The following CACNA1C variants were observed in gnomAD, a reference collection of about 807,000 sequenced individuals.
The protein encoded by CACNA1C is calcium voltage-gated channel subunit alpha1 C, also known as voltage-dependent L-type calcium channel subunit alpha-1C.
CACNA1C carries 30 observed loss-of-function variants against 229.0 expected under a neutral mutation model. The observed-to-expected ratio is 0.13, with a 90% CI of 0.10 to 0.18. CACNA1C has a LOEUF of 0.18. CACNA1C is among the 10% of genes least tolerant of loss of function. CACNA1C has a pLI of 1.00. For synonymous variants in CACNA1C, 1,114 were observed against 1,132.5 expected (o/e 0.98, Z 0.33); for missense variants, 1,658 against 2,845.0 (o/e 0.58, Z 9.49).
At chr12:2,041,422 G>A (rs919891839) in intron 1 of CACNA1C, among the ~76,000 whole-genome samples, 3 of 151,736 alleles carry the variant, frequency 2.0e-5, no homozygotes, top group South Asian at 2.1e-4. Flanking sequence ...GACTACAGGC[G>A]CTTGCCACCG....
At chr12:2,226,479 C>T (rs963213188) in intron 3 of CACNA1C, among the ~76,000 whole-genome samples, 2 of 152,126 alleles carry the variant, frequency 1.3e-5, no homozygotes, top group African/African-American at 4.8e-5. Flanking sequence ...CAGTCTAAAG[C>T]CAATGTATTT....
At chr12:2,483,807 C>A (rs879037616) in intron 5 of CACNA1C, among the ~76,000 whole-genome samples, 1 of 152,154 alleles carries the variant, frequency 6.6e-6, no homozygotes, top group Admixed American at 6.5e-5. Flanking sequence ...AAGCTGCTTT[C>A]ACTCCACTTG....
chr12:2,083,670 A>G (rs1232648316), intron 1 of CACNA1C, among the ~76,000 whole-genome samples: 2 of 152,238 alleles, frequency 1.3e-5, no homozygotes, highest in African/African-American at 2.4e-5. Context: ...ATACAAATGT[A>G]AGGCATTGCT....
intron 3 of CACNA1C, among the ~76,000 whole-genome samples, chr12:2,139,444 G>A (rs1352818922): frequency 2.7e-5 from 4 of 150,884 alleles, no homozygotes; most frequent in African/African-American, 9.7e-5. Flanking sequence ...AGCGAGCCCT[G>A]TGCAAGAAGG....
chr12:2,578,904 C>G (rs542978170), intron 13 of CACNA1C, among the ~76,000 whole-genome samples: 18 of 152,238 alleles, frequency 1.2e-4, no homozygotes, highest in African/African-American at 4.1e-4. Context: ...TAGGAGATCC[C>G]TGCTAGTTTC....
chr12:2,221,263 G>A (rs1363864885), intron 3 of CACNA1C, among the ~76,000 whole-genome samples: 5 of 152,172 alleles, frequency 3.3e-5, no homozygotes, highest in Non-Finnish European at 7.3e-5. Context: ...TGGTAGGGAG[G>A]GTGACGTGTC....
chr12:2,116,036 C>T (rs2083703891), intron 2 of CACNA1C, among the ~76,000 whole-genome samples: 1 of 152,060 alleles, frequency 6.6e-6, no homozygotes, highest in African/African-American at 2.4e-5. Flanking sequence ...GCGTAGTGGT[C>T]AGGGCCCCTG....
chr12:2,082,565 G>T (rs1323420343), intron 1 of CACNA1C, among the ~76,000 whole-genome samples: 2 of 152,128 alleles, frequency 1.3e-5, no homozygotes, highest in African/African-American at 4.8e-5. Context: ...CCTCTCTCCT[G>T]CCTCCTGTAC....
chr12:2,206,353 C>T (rs1301850972), intron 3 of CACNA1C, among the ~76,000 whole-genome samples: 2 of 152,154 alleles, frequency 1.3e-5, no homozygotes, highest in African/African-American at 4.8e-5. Context: ...AATGGCAGAG[C>T]ATGGGAAGTG....
At chr12:2,291,490 A>G (rs533108032) in intron 3 of CACNA1C, among the ~76,000 whole-genome samples, 1 of 152,338 alleles carries the variant, frequency 6.6e-6, no homozygotes, top group South Asian at 2.1e-4. Flanking sequence ...TAGTTTTGCA[A>G]CTGTTTTAAT....
chr12:2,035,808 G>C (rs1429409836), intron 1 of CACNA1C, among the ~76,000 whole-genome samples: 1 of 152,198 alleles, frequency 6.6e-6, no homozygotes, highest in Non-Finnish European at 1.5e-5. Context: ...TCTCTGGGGA[G>C]GACGATTTCA....
intron 9 of CACNA1C, among the ~76,000 whole-genome samples, chr12:2,549,612 T>A (rs2099892910): frequency 6.6e-6 from 1 of 152,214 alleles, no homozygotes; most frequent in Non-Finnish European, 1.5e-5. Flanking sequence ...ATGGAAAGCC[T>A]CTACAGCTTC....
At chr12:2,362,484 T>C (rs891526738) in intron 3 of CACNA1C, among the ~76,000 whole-genome samples, 2 of 152,186 alleles carry the variant, frequency 1.3e-5, no homozygotes, top group African/African-American at 2.4e-5. Context: ...CCACCCAACC[T>C]AGTCTAGCTA....
At chr12:2,606,081 TGTCA>T (rs1372408222) in intron 24 of CACNA1C, among the ~76,000 whole-genome samples, 1 of 152,210 alleles carries the variant, frequency 6.6e-6, no homozygotes, top group African/African-American at 2.4e-5. Context: ...GGAACCTCTG[TGTCA>T]GTCAGTTGCT....
At chr12:2,570,504 T>C (rs2154593607) in intron 13 of CACNA1C, among the ~76,000 whole-genome samples, 1 of 152,264 alleles carries the variant, frequency 6.6e-6, no homozygotes, top group African/African-American at 2.4e-5. Context: ...ATGACTGCTA[T>C]TATTAGAAGG....
chr12:2,009,105 C>T (rs1412747517), intron 1 of CACNA1C, among the ~76,000 whole-genome samples: 1 of 152,184 alleles, frequency 6.6e-6, no homozygotes, highest in Non-Finnish European at 1.5e-5. Context: ...CCATAAGCCT[C>T]ATGATGATAC....
chr12:2,077,244 TA>T (rs1406376075), intron 1 of CACNA1C, among the ~76,000 whole-genome samples: 1 of 152,238 alleles, frequency 6.6e-6, no homozygotes, highest in Non-Finnish European at 1.5e-5. Flanking sequence ...ATCCCACATA[TA>T]AAAATGACAT....
chr12:2,409,162 A>G (rs1567515428), intron 3 of CACNA1C, among the ~76,000 whole-genome samples: 1 of 152,216 alleles, frequency 6.6e-6, no homozygotes, highest in Non-Finnish European at 1.5e-5. Context: ...TGTCCTCATG[A>G]TAACTGCTGA....
intron 3 of CACNA1C, among the ~76,000 whole-genome samples, chr12:2,211,023 A>G (rs2097903718): frequency 6.6e-6 from 1 of 152,240 alleles, no homozygotes; most frequent in African/African-American, 2.4e-5. Context: ...AGAAAGGAAC[A>G]TAAAGCATTC....
Sources: gnomAD v4.1 joint callset for allele counts (sites outside exome capture counted in the v4.1 genomes callset) on GRCh38, gnomAD v4.1.1 for gene constraint, MANE v1.5 for transcripts, NCBI Gene and HGNC (gene_info 2026-07-23, HGNC 2026-07-21) for gene names.